The following SYNPR variants were observed in gnomAD, a reference collection of about 807,000 sequenced individuals.
SYNPR encodes the protein synaptoporin.
SYNPR carries 23 observed loss-of-function variants against 32.9 expected under a neutral mutation model. The observed-to-expected ratio is 0.70, with a 90% confidence interval of 0.50 to 0.99. The LOEUF (loss-of-function observed/expected upper bound fraction) is 0.99, where lower values mean the gene tolerates loss of function less well. Ranked by LOEUF, SYNPR falls within the 50% of genes least tolerant of loss-of-function variation. The probability of loss-of-function intolerance (pLI) is 0.00; values close to 1 mark genes in which losing one functional copy is unlikely to be tolerated. For synonymous variants in SYNPR, 146 were observed against 135.9 expected, an observed-to-expected ratio of 1.07 and a Z score of -0.52; for missense variants, 318 against 349.3, an observed-to-expected ratio of 0.91 and a Z score of 0.71.
intron 1 of SYNPR, among the ~76,000 whole-genome samples, chr3:63,229,922 C>T (rs887696255): frequency 4.6e-5 from 7 of 152,016 alleles, no homozygotes; most frequent in African/African-American, 1.2e-4. Flanking sequence ...TGCTTTAATA[C>T]CCATTACATT....
chr3:63,556,858 A>ATTTTT, intron 4 of SYNPR, 117 bp downstream of exon 4: 1 of 977,036 alleles, frequency 1.0e-6, no homozygotes, highest in South Asian at 2.0e-5. Flanking sequence ...AGGAAATCAC[A>ATTTTT]TTCTTTTTTA....
At chr3:63,578,130 A>G (rs952809273) in intron 4 of SYNPR, among the ~76,000 whole-genome samples, 2 of 152,160 alleles carry the variant, frequency 1.3e-5, no homozygotes, top group African/African-American at 2.4e-5. Flanking sequence ...GATGTGTGCA[A>G]TCCAAGGCTC....
chr3:63,571,887 A>ATCCCAT (rs1702893670), intron 4 of SYNPR, among the ~76,000 whole-genome samples: 1 of 152,162 alleles, frequency 6.6e-6, no homozygotes, highest in African/African-American at 2.4e-5. Context: ...CTGCTTAGAC[A>ATCCCAT]TCAGTTTCCT....
intron 2 of SYNPR, among the ~76,000 whole-genome samples, chr3:63,306,568 G>A (rs2086913049): frequency 6.6e-6 from 1 of 151,654 alleles, no homozygotes; most frequent in South Asian, 2.1e-4. Flanking sequence ...TTAGTTTGTA[G>A]ATGGTCCATT....
At chr3:63,227,586 A>G (rs73106610), upstream of SYNPR, among the ~76,000 whole-genome samples, 2,238 of 152,270 alleles carry the variant, frequency 0.015, 55 homozygotes, top group Non-Finnish European at 0.018. Context: ...CAGGGTCTCA[A>G]GATCCTTTCA....
chr3:63,291,391 G>A (rs979052752), intron 2 of SYNPR, among the ~76,000 whole-genome samples: 1 of 71,238 alleles, frequency 1.4e-5, no homozygotes, highest in Non-Finnish European at 2.9e-5. Context: ...CACTTTATCA[G>A]AGAGGGCTCG....
intron 2 of SYNPR, among the ~76,000 whole-genome samples, chr3:63,368,585 T>C (rs567184945): frequency 6.6e-6 from 1 of 151,924 alleles, no homozygotes; most frequent in African/African-American, 2.4e-5. Context: ...GCCAGACGAG[T>C]GAATCTGGAC....
chr3:63,514,809 C>A (rs184091734), intron 3 of SYNPR, among the ~76,000 whole-genome samples: 2 of 152,210 alleles, frequency 1.3e-5, no homozygotes, highest in African/African-American at 4.8e-5. Flanking sequence ...CTGAGACTTG[C>A]TCTTTTGATA....
At chr3:63,360,337 A>G (rs1460933331) in intron 2 of SYNPR, among the ~76,000 whole-genome samples, 1 of 152,164 alleles carries the variant, frequency 6.6e-6, no homozygotes, top group East Asian at 1.9e-4. Flanking sequence ...TGGACTGCCA[A>G]CCAAGAGCCC....
chr3:63,370,800 T>C (rs1223880972), intron 2 of SYNPR, among the ~76,000 whole-genome samples: 1 of 152,206 alleles, frequency 6.6e-6, no homozygotes, highest in Non-Finnish European at 1.5e-5. Context: ...AAACTTTGAA[T>C]TCATAGGTGA....
At chr3:63,306,474 C>G (rs376140532) in intron 2 of SYNPR, among the ~76,000 whole-genome samples, 1 of 151,866 alleles carries the variant, frequency 6.6e-6, no homozygotes, top group East Asian at 2.0e-4. Context: ...AGCCTACTGA[C>G]AGATCCCTAG....
At chr3:63,568,033 A>G (rs1702822468) in intron 4 of SYNPR, among the ~76,000 whole-genome samples, 1 of 152,238 alleles carries the variant, frequency 6.6e-6, no homozygotes, top group Non-Finnish European at 1.5e-5. Flanking sequence ...TAGACTATTG[A>G]CAATCTAGAA....
At chr3:63,572,847 C>T (rs1331619257) in intron 4 of SYNPR, among the ~76,000 whole-genome samples, 2 of 152,080 alleles carry the variant, frequency 1.3e-5, no homozygotes, top group African/African-American at 4.8e-5. Flanking sequence ...CAGAAGCCTC[C>T]TAGACTGCTT....
intron 4 of SYNPR, among the ~76,000 whole-genome samples, chr3:63,571,775 T>C (rs942372523): frequency 2.6e-5 from 4 of 152,142 alleles, no homozygotes; most frequent in Non-Finnish European, 4.4e-5. Context: ...TAGTGTTAAG[T>C]AAAACTAATG....
At chr3:63,263,636 T>C (rs1453968249) in intron 2 of SYNPR, among the ~76,000 whole-genome samples, 2 of 152,110 alleles carry the variant, frequency 1.3e-5, no homozygotes, top group Non-Finnish European at 2.9e-5. Context: ...CTTCCAAAGT[T>C]GGTGAGTTGG....
chr3:63,523,792 A>G (rs1275319010), intron 3 of SYNPR, among the ~76,000 whole-genome samples: 1 of 152,164 alleles, frequency 6.6e-6, no homozygotes, highest in Non-Finnish European at 1.5e-5. Flanking sequence ...CCTGCTCACT[A>G]TGATTTCAGG....
chr3:63,562,874 G>T (rs1702715490), intron 4 of SYNPR, among the ~76,000 whole-genome samples: 1 of 152,134 alleles, frequency 6.6e-6, no homozygotes. Flanking sequence ...TTAACAGGTG[G>T]AAGCTGTTAC....
chr3:63,541,288 C>G (rs1025420184), intron 3 of SYNPR, among the ~76,000 whole-genome samples: 3 of 151,552 alleles, frequency 2.0e-5, no homozygotes, highest in African/African-American at 7.3e-5. Context: ...ACACATCTTA[C>G]CTCAAATTTC....
chr3:63,344,145 A>G (rs2087406719), intron 2 of SYNPR, among the ~76,000 whole-genome samples: 1 of 152,242 alleles, frequency 6.6e-6, no homozygotes, highest in South Asian at 2.1e-4. Flanking sequence ...ATTTTGATAA[A>G]AGGTAATAAC....
Sources: allele counts gnomAD v4.1 joint callset (sites outside exome capture counted in the v4.1 genomes callset), GRCh38; gene constraint gnomAD v4.1.1; transcripts MANE v1.5; gene names NCBI Gene and HGNC (gene_info 2026-07-23, HGNC 2026-07-21).